LAMA2: variants seen among roughly 807,000 people sequenced by gnomAD.
LAMA2 encodes the protein laminin subunit alpha 2.
A neutral mutation model predicts 364.8 loss-of-function variants in LAMA2; 269 were observed. The ratio of observed to expected loss-of-function variants is 0.74; its 90% CI spans 0.67 to 0.82. The LOEUF is 0.82. Ranked by LOEUF, LAMA2 falls within the 40% of genes least tolerant of loss-of-function variation. The pLI is 0.00. For missense variants in LAMA2, 3,807 were observed against 3,873.2 expected (o/e 0.98, Z 0.45); for synonymous variants, 1,379 against 1,370.6 (o/e 1.01, Z -0.14).
At position 129,286,640 on chromosome 6, in the gene LAMA2, ATATAT is replaced by A. The variant is rs1192763166; in HGVS notation, c.2538-1200_2538-1196del. Reference sequence around the variant, plus strand: ...TATATAATATATATAATAATATATAATATATTATATTTATATAATATATATAATAA... The same window carrying A: ...TATATAATATATATAATAATATATAATATATTTATATAATATATATAATAA... On this transcript the variant is annotated intron_variant, in intron 18 of 64. Transcript: ENST00000421865. 9.6e-3 allele frequency among the ~76,000 whole-genome samples: 805 copies of A among 84,058 alleles called. 143 individuals carry two copies. The highest frequency in any genetic ancestry group is 0.047 in the African/African-American group (760 of 16,138). 55.1% of individuals were successfully genotyped at this position (84,058 alleles called of 152,430 possible).
intron 28 of LAMA2, among the ~76,000 whole-genome samples, chr6:129,324,949 G>A (rs1487660291): frequency 6.6e-6 from 1 of 152,096 alleles, no homozygotes; most frequent in Non-Finnish European, 1.5e-5. Context: ...TGGTGAAACA[G>A]GAATTAAACT....
At position 129,315,882 on chromosome 6, in the gene LAMA2, A is replaced by G. The variant is rs1204876186; in HGVS notation, c.3856A>G (p.Ile1286Val). ...AGGTGGGACACCTACTCATGCTAGA[A>G]TTATCGTCAGGCATATGGCTGCTCC... ...IRGGTPTHAR[I>V]IVRHMAAPLI... Residue 1286 changes from isoleucine (I) to valine (V), a missense_variant, in exon 26 of 65, where the codon ATT becomes GTT. Physicochemically the swap from Ile to Val is conservative, Grantham distance 29. This residue lies in a region of LAMA2 where 3,333 missense variants were observed against 3,345.7 expected (regional missense o/e 1.00). Transcript: ENST00000421865. 6 of 1,614,146 alleles carry G rather than the reference A, an allele frequency of 3.7e-6. No individual in the cohort carries two copies. The highest frequency in any genetic ancestry group is 3.3e-5 in the Admixed American group (2 of 60,022).
At chr6:129,176,445 A>G (rs557428179) in intron 9 of LAMA2, among the ~76,000 whole-genome samples, 69 of 152,174 alleles carry the variant, frequency 4.5e-4, no homozygotes, top group South Asian at 3.1e-3. Flanking sequence ...GTAATTTGAT[A>G]TTATTAGATT....
rs1038927303 is a variant in LAMA2, at chr6:129,158,765, C to G, written c.1206+4082C>G. The G allele has an allele frequency of 5.5e-5, 89 of 1,614,044 alleles. No homozygotes were observed. In the African/African-American group the frequency reaches 8.9e-4, roughly 16 times the overall value. On this transcript the variant is annotated intron_variant, in intron 8 of 64. Transcript: ENST00000421865. ...GGTCCGACAACATTCTATTGTCCGG[C>G]GTAGCTGGGCTTTTGGAGAATCTTT...
chr6:129,220,639 A>G (rs2115095769), intron 12 of LAMA2, among the ~76,000 whole-genome samples: 1 of 152,328 alleles, frequency 6.6e-6, no homozygotes. Flanking sequence ...CTTTTTGTTA[A>G]ATATGTTAAA....
At chr6:128,950,427 G>T (rs1780739586) in intron 1 of LAMA2, among the ~76,000 whole-genome samples, 1 of 152,140 alleles carries the variant, frequency 6.6e-6, no homozygotes, top group African/African-American at 2.4e-5. Flanking sequence ...CATGGAAGAT[G>T]GGTGAGGAGC....
chr6:129,486,432 T>G, intron 55 of LAMA2, 42 bp from the exon 56 acceptor site: 1 of 1,601,080 alleles, frequency 6.2e-7, no homozygotes, highest in South Asian at 1.1e-5. Context: ...AAGCCATAAA[T>G]GAGACTTCTG....
At chr6:129,096,319 A>G (rs1191803326) in intron 3 of LAMA2, among the ~76,000 whole-genome samples, 1 of 152,228 alleles carries the variant, frequency 6.6e-6, no homozygotes, top group African/African-American at 2.4e-5. Context: ...TATTTTAAAG[A>G]TAATTTTATT....
At chr6:129,234,097 G>C (rs73601137) in intron 12 of LAMA2, among the ~76,000 whole-genome samples, 2,565 of 152,244 alleles carry the variant, frequency 0.017, 82 homozygotes, top group African/African-American at 0.06. Context: ...GAGTTATCTT[G>C]ATGGGAGGCC....
intron 29 of LAMA2, among the ~76,000 whole-genome samples, 166 bp from the exon 30 acceptor site, chr6:129,342,177 T>C (rs2114567748): frequency 6.6e-6 from 1 of 152,310 alleles, no homozygotes; most frequent in East Asian, 1.9e-4. Context: ...AATATTTATA[T>C]CAAAGACTGA....
chr6:129,051,204 A>G (rs900447628), intron 2 of LAMA2, among the ~76,000 whole-genome samples: 3 of 148,202 alleles, frequency 2.0e-5, no homozygotes, highest in Admixed American at 1.4e-4. Flanking sequence ...ATATATATAT[A>G]AAATATATAT....
intron 1 of LAMA2, among the ~76,000 whole-genome samples, chr6:128,967,691 A>C (rs1304218882): frequency 6.6e-6 from 1 of 152,188 alleles, no homozygotes; most frequent in East Asian, 1.9e-4. Context: ...GAGTGGGACC[A>C]GTTTATACAC....
chr6:128,924,390 C>A (rs1291436674), intron 1 of LAMA2, among the ~76,000 whole-genome samples: 1 of 151,990 alleles, frequency 6.6e-6, no homozygotes, highest in Non-Finnish European at 1.5e-5. Flanking sequence ...AATTCTAATA[C>A]CATTCAACTG....
chr6:129,328,181 G>A lies in LAMA2; in HGVS notation c.4177-97G>A, dbSNP rs1775415469. The A allele has an allele frequency of 2.6e-5, 27 of 1,056,698 alleles. 2 individuals carry two copies. In the South Asian group the frequency reaches 3.3e-4, roughly 13 times the overall value. 65.5% of individuals were successfully genotyped at this position (1,056,698 alleles called of 1,614,324 possible). On this transcript the variant is annotated intron_variant, in intron 28 of 64. Coordinates refer to ENST00000421865, the MANE Select transcript of LAMA2 (RefSeq NM_000426.4). ...TGATGTTGCCCCTGCCGCAGGTGGGGGAAGGCCAGTCTGTCTTTGCAGCCA... is the reference window on the plus strand; with the variant it reads ...TGATGTTGCCCCTGCCGCAGGTGGGAGAAGGCCAGTCTGTCTTTGCAGCCA...
chr6:129,433,517 A>T (rs1207555653), intron 41 of LAMA2, among the ~76,000 whole-genome samples: 1 of 152,160 alleles, frequency 6.6e-6, no homozygotes, highest in Non-Finnish European at 1.5e-5. Flanking sequence ...CATTTCCATG[A>T]ATTTCACCCT....
intron 58 of LAMA2, among the ~76,000 whole-genome samples, chr6:129,495,929 T>C (rs1785157078): frequency 1.3e-5 from 2 of 152,000 alleles, no homozygotes; most frequent in African/African-American, 4.8e-5. Context: ...TTCCACTTAG[T>C]AGATGAGACA....
chr6:129,422,243 G>A (rs1045597523), intron 40 of LAMA2, among the ~76,000 whole-genome samples: 5 of 151,990 alleles, frequency 3.3e-5, no homozygotes, highest in East Asian at 1.9e-4. Flanking sequence ...GCAAGGAATG[G>A]TTGACTAAGG....
At chr6:129,048,686 C>T (rs986271100) in intron 1 of LAMA2, among the ~76,000 whole-genome samples, 6 of 151,262 alleles carry the variant, frequency 4.0e-5, no homozygotes, top group Non-Finnish European at 5.9e-5. Context: ...GTGATCTCAG[C>T]TCACTGCAAC....
At chr6:129,365,877 G>A (rs1252479928) in intron 32 of LAMA2, among the ~76,000 whole-genome samples, 2 of 152,200 alleles carry the variant, frequency 1.3e-5, no homozygotes, top group East Asian at 3.9e-4. Context: ...TAGGGATTTA[G>A]GGGGTACTTT....
Sources: allele counts gnomAD v4.1 joint callset (sites outside exome capture counted in the v4.1 genomes callset), GRCh38; gene constraint gnomAD v4.1.1; regional missense constraint gnomAD v4.1.1; transcripts MANE v1.5; gene names NCBI Gene and HGNC (gene_info 2026-07-23, HGNC 2026-07-21).